DKK4: variants seen among roughly 807,000 people sequenced by gnomAD.
The protein encoded by DKK4 is dickkopf-related protein 4.
A neutral mutation model predicts 14.5 loss-of-function variants in DKK4; 15 were observed. The observed-to-expected ratio is 1.03, with a 90% CI of 0.69 to 1.59. The LOEUF is 1.59. Among genes scored for constraint, DKK4 ranks in the 40% most tolerant of loss-of-function variants. The pLI is 0.00. For missense variants in DKK4, 272 were observed against 280.3 expected (o/e 0.97, Z 0.21); for synonymous variants, 89 against 105.2 (o/e 0.85, Z 0.94).
At chr8:42,385,040 T>A in the DKK4 span, among the ~76,000 whole-genome samples, 1 of 152,214 alleles carries the variant, frequency 6.6e-6, no homozygotes, top group Non-Finnish European at 1.5e-5. Flanking sequence ...CATAGCTGTG[T>A]GTGGTATGGT....
the DKK4 span, among the ~76,000 whole-genome samples, chr8:42,385,586 C>T: frequency 1.3e-5 from 2 of 151,966 alleles, no homozygotes; most frequent in South Asian, 2.1e-4. Flanking sequence ...GCCACTGCCC[C>T]CACAGGTCTG....
Position 42,374,819 on chromosome 8 carries a change from T to C in DKK4, c.357A>G (p.Pro119=). 6.2e-7 allele frequency: 1 copy of C among 1,614,256 alleles called. No homozygotes were observed. ...TCCTTTTGGGTTGGTTTTCCTGGAC[T>C]GGGTGCCCAGTTGTTCCTTCTGCAT... ...GTHAEGTTGH[P]VQENQPKRKP... is the part of the protein sequence containing the mutation. The change falls in exon 3 of 4, where the codon CCA becomes CCG. Residue 119 remains proline, a synonymous_variant. Coordinates refer to ENST00000220812, the MANE Select transcript of DKK4 (RefSeq NM_014420.3).
At chr8:42,389,980 C>T in the DKK4 span, among the ~76,000 whole-genome samples, 1 of 137,006 alleles carries the variant, frequency 7.3e-6, no homozygotes, top group African/African-American at 3.6e-5. Context: ...CAACGTCCAC[C>T]TCCGGGGTTC....
chr8:42,374,336 T>G lies in DKK4; in HGVS notation c.439A>C (p.Arg147=). The part of the protein sequence containing the change: ...RKGQEGESCL[R]TFDCGPGLCC... The stretch of plus-strand genomic sequence containing the variant: ...AGTCCAGGGCCACAGTCAAAAGTTC[T>G]CAGACAACTTTCTCCCTCTTGTCCT... The change falls in exon 4 of 4, where the codon AGA becomes CGA. Residue 147 remains arginine (R), a synonymous_variant. Coordinates refer to ENST00000220812, the MANE Select transcript of DKK4 (RefSeq NM_014420.3). The G allele has an allele frequency of 6.2e-7, 1 of 1,613,564 alleles. No individual in the cohort carries two copies. Among genetic ancestry groups the G allele is most frequent in the East Asian group, 2.2e-5 (1 of 44,888 alleles).
At chr8:42,380,621 GAA>G (rs1487274212), upstream of DKK4, among the ~76,000 whole-genome samples, 1 of 138,266 alleles carries the variant, frequency 7.2e-6, no homozygotes, top group Admixed American at 7.2e-5. Context: ...AAGAAAAAGA[GAA>G]AGAAAGAAAG....
At chr8:42,380,552 GGAA>G, upstream of DKK4, among the ~76,000 whole-genome samples, 1 of 141,310 alleles carries the variant, frequency 7.1e-6, no homozygotes, top group East Asian at 2.1e-4. Flanking sequence ...AAGGAAGGAA[GGAA>G]GAAAAAATGA....
Position 42,377,152 on chromosome 8 carries a change from G to T in DKK4, c.-107C>A, listed in dbSNP as rs796940009. 4.1e-5 allele frequency: 34 copies of T among 834,740 alleles called. No individual in the cohort carries two copies. The highest frequency in any genetic ancestry group is 6.1e-4 in the Middle Eastern group (2 of 3,274). 51.7% of individuals were successfully genotyped at this position (834,740 alleles called of 1,614,324 possible). On this transcript the variant is annotated 5_prime_UTR_variant, in exon 1 of 4. Transcript: ENST00000220812. The stretch of plus-strand genomic sequence containing the variant: ...CACTAAGCTGGCAGCTCAGCACGTC[G>T]TCTGTTTGTCACTGCTTTTTCTGAA...
chr8:42,380,517 GAA>G (rs1159072811), upstream of DKK4, among the ~76,000 whole-genome samples: 1 of 121,754 alleles, frequency 8.2e-6, no homozygotes, highest in African/African-American at 3.9e-5. Flanking sequence ...GAAAAGAAAA[GAA>G]AAAAGAGAGG....
upstream of DKK4, among the ~76,000 whole-genome samples, chr8:42,379,786 A>T (rs77736087): frequency 6.6e-6 from 1 of 151,990 alleles, no homozygotes; most frequent in African/African-American, 2.4e-5. Context: ...CTAGTGAGAG[A>T]TTGTGTGGCT....
At chr8:42,380,516 AG>A (rs1358426645), upstream of DKK4, among the ~76,000 whole-genome samples, 5 of 150,052 alleles carry the variant, frequency 3.3e-5, no homozygotes, top group African/African-American at 9.9e-5. Context: ...AGAAAAGAAA[AG>A]AAAAAAGAGA....
rs753684391 is a variant in DKK4 at position 42,374,309 on chromosome 8, A to C, written c.466T>G (p.Cys156Gly). Residue 156 changes from cysteine (C) to glycine (G), a missense_variant, in exon 4 of 4, where the codon TGC becomes GGC. Transcript: ENST00000220812. Reference protein sequence around the residue: ...LRTFDCGPGLCCARHFWTKIC... With the variant: ...LRTFDCGPGLGCARHFWTKIC... Reference sequence around the variant, plus strand: ...TTCGTCCAAAAATGACGAGCACAGCAAAGTCCAGGGCCACAGTCAAAAGTT... The same window carrying C: ...TTCGTCCAAAAATGACGAGCACAGCCAAGTCCAGGGCCACAGTCAAAAGTT... The C allele has an allele frequency of 2.5e-6, 4 of 1,613,780 alleles. No homozygotes were observed. The Admixed American group carries it at 5.0e-5, about 20-fold the overall frequency.
upstream of DKK4, chr8:42,377,323 C>T (rs912157119): frequency 5.1e-6 from 2 of 392,750 alleles, no homozygotes; most frequent in Admixed American, 4.0e-5. Flanking sequence ...TCAACAAATC[C>T]CTTCAAATCT....
At chr8:42,388,523 C>A in the DKK4 span, among the ~76,000 whole-genome samples, 1 of 150,910 alleles carries the variant, frequency 6.6e-6, no homozygotes, top group Non-Finnish European at 1.5e-5. Flanking sequence ...AGGCACCGCA[C>A]CTGGTCTAAA....
intron 2 of DKK4, 50 bp downstream of exon 2, chr8:42,375,630 T>A: frequency 6.2e-7 from 1 of 1,607,280 alleles, no homozygotes; most frequent in Non-Finnish European, 8.5e-7. Flanking sequence ...TCTATGGGGC[T>A]TAGACACTAC....
In DKK4 at chr8:42,374,148, A is replaced by T. The variant is rs748953274; in HGVS notation, c.627T>A (p.Asn209Lys). Residue 209 changes from asparagine to lysine, a missense_variant, in exon 4 of 4, where the codon AAT becomes AAA. Asn to Lys is a moderately conservative substitution (Grantham distance 94, BLOSUM62 0). Transcript: ENST00000220812. ...ATACTCTTAATCGAGCATGCTGCCG[A>T]TTGCTGGTCAATTGGCTTCGACACA... ...GLLCRSQLTS[N>K]RQHARLRVCQ... 1.9e-6 allele frequency: 3 copies of T among 1,613,136 alleles called. No homozygotes were observed. The highest frequency in any genetic ancestry group is 2.5e-6 in the Non-Finnish European group (3 of 1,179,998).
At chr8:42,385,651 C>T in the DKK4 span, among the ~76,000 whole-genome samples, 1 of 151,994 alleles carries the variant, frequency 6.6e-6, no homozygotes, top group Non-Finnish European at 1.5e-5. Flanking sequence ...GTGAGGTGCA[C>T]ATTCAGAAGG....
chr8:42,380,433 AAG>A (rs1292425877), upstream of DKK4, among the ~76,000 whole-genome samples: 5 of 145,466 alleles, frequency 3.4e-5, no homozygotes, highest in African/African-American at 7.6e-5. Flanking sequence ...GGGAAAGAAG[AAG>A]AGAGAGAGGA....
chr8:42,388,476 C>T, the DKK4 span, among the ~76,000 whole-genome samples: 5 of 151,798 alleles, frequency 3.3e-5, no homozygotes, highest in Non-Finnish European at 4.4e-5. Context: ...GTGATCCACC[C>T]GCCCGAGCCT....
At chr8:42,385,127 A>C in the DKK4 span, among the ~76,000 whole-genome samples, 2 of 152,184 alleles carry the variant, frequency 1.3e-5, no homozygotes, top group African/African-American at 4.8e-5. Context: ...ACCTGTGGCC[A>C]GGCACTCTAA....
Sources: gnomAD v4.1 joint callset for allele counts (sites outside exome capture counted in the v4.1 genomes callset) on GRCh38, gnomAD v4.1.1 for gene constraint, MANE v1.5 for transcripts, NCBI Gene and HGNC (gene_info 2026-07-23, HGNC 2026-07-21) for gene names.